The following ABHD12B variants were observed in gnomAD, a reference collection of about 807,000 sequenced individuals.
ABHD12B encodes the protein abhydrolase domain containing 12B.
Under a neutral mutation model 50.4 loss-of-function variants are expected in ABHD12B, and 42 were observed. That is an observed-to-expected ratio of 0.83 (90% CI 0.65 to 1.08). The LOEUF is 1.08. ABHD12B is among the 50% of genes least tolerant of loss of function. ABHD12B has a pLI of 0.00. For missense variants in ABHD12B, 479 were observed against 447.7 expected, an observed-to-expected ratio of 1.07 and a Z score of -0.63; for synonymous variants, 167 against 160.3, an observed-to-expected ratio of 1.04 and a Z score of -0.32.
intron 9 of ABHD12B, among the ~76,000 whole-genome samples, chr14:50,890,804 A>G (rs2050106739): frequency 1.3e-5 from 2 of 152,236 alleles, no homozygotes; most frequent in African/African-American, 4.8e-5. Context: ...AACATGTACA[A>G]GAATTTCACC....
Position 50,878,059 on chromosome 14 carries a change from T to G in ABHD12B, c.212T>G (p.Met71Arg). Residue 71 changes from methionine to arginine, a missense_variant, in exon 2 of 13, where the codon ATG becomes AGG. Transcript: ENST00000337334. ...KEHVFLPLID[M>R]LIYFNFFKAP... is the part of the protein sequence containing the mutation. ...CACGTTTTCCTTCCTCTGATAGACATGCTAATTTATTTTAATTTTTGTAAG... is the reference window on the plus strand; with the variant it reads ...CACGTTTTCCTTCCTCTGATAGACAGGCTAATTTATTTTAATTTTTGTAAG... 6.5e-7 allele frequency: 1 copy of G among 1,528,016 alleles called. No homozygotes were observed. The highest frequency in any genetic ancestry group is 8.7e-7 in the Non-Finnish European group (1 of 1,144,428). 94.7% of individuals were successfully genotyped at this position (1,528,016 alleles called of 1,614,324 possible). A position where few individuals can be genotyped will look rare whatever the true frequency, so the allele number is the denominator to read the frequency against.
intron 5 of ABHD12B, 26 bp downstream of exon 5, chr14:50,881,652 C>A: frequency 1.2e-6 from 2 of 1,612,594 alleles, no homozygotes; most frequent in Non-Finnish European, 1.7e-6. Flanking sequence ...CCTCAAAGCA[C>A]CCATTTCATA....
At chr14:50,874,630 G>A (rs997526607) in intron 1 of ABHD12B, among the ~76,000 whole-genome samples, 2 of 152,104 alleles carry the variant, frequency 1.3e-5, no homozygotes, top group African/African-American at 4.8e-5. Context: ...AAAGAAAAAT[G>A]GAAAATGTGC....
chr14:50,898,751 A>T (rs2142767971), intron 9 of ABHD12B, among the ~76,000 whole-genome samples: 1 of 152,376 alleles, frequency 6.6e-6, no homozygotes, highest in East Asian at 1.9e-4. Context: ...AAGAGAAAAC[A>T]AAACAAGAAA....
At chr14:50,886,418 T>A (rs1176091750) in intron 7 of ABHD12B, among the ~76,000 whole-genome samples, 1 of 134,744 alleles carries the variant, frequency 7.4e-6, no homozygotes, top group African/African-American at 2.9e-5. Context: ...CCAGCCTGGG[T>A]GACAGAGTGA....
chr14:50,894,127 C>G (rs2050159410), intron 9 of ABHD12B, among the ~76,000 whole-genome samples: 1 of 151,698 alleles, frequency 6.6e-6, no homozygotes, highest in African/African-American at 2.4e-5. Context: ...TGTCTCTACC[C>G]CTTCTCTGCT....
intron 9 of ABHD12B, among the ~76,000 whole-genome samples, chr14:50,890,000 C>T (rs2050096810): frequency 6.6e-6 from 1 of 152,158 alleles, no homozygotes; most frequent in East Asian, 1.9e-4. Context: ...TAATCACATA[C>T]TCTTGAAAAT....
At chr14:50,881,856 C>A (rs12588230) in intron 5 of ABHD12B, among the ~76,000 whole-genome samples, 1 of 152,242 alleles carries the variant, frequency 6.6e-6, no homozygotes, top group East Asian at 1.9e-4. Context: ...AACTTAATAA[C>A]CTCATTGCCA....
At chr14:50,889,447 G>A (rs1055506139) in intron 9 of ABHD12B, among the ~76,000 whole-genome samples, 10 of 152,288 alleles carry the variant, frequency 6.6e-5, no homozygotes, top group Admixed American at 5.9e-4. Context: ...AGACCATCCT[G>A]GCCAACATGG....
At chr14:50,884,500 T>C (rs1380252985) in intron 5 of ABHD12B, among the ~76,000 whole-genome samples, 1 of 152,170 alleles carries the variant, frequency 6.6e-6, no homozygotes, top group Non-Finnish European at 1.5e-5. Flanking sequence ...GACCCAGGAG[T>C]GAATCTTCGT....
chr14:50,901,351 T>G (rs987093636), intron 9 of ABHD12B, among the ~76,000 whole-genome samples: 2 of 152,216 alleles, frequency 1.3e-5, no homozygotes, highest in African/African-American at 4.8e-5. Context: ...AAAACTAAAA[T>G]GTCTTTTAAG....
At chr14:50,904,216 A>T in intron 12 of ABHD12B, 24 bp downstream of exon 12, 3 of 1,613,438 alleles carry the variant, frequency 1.9e-6, no homozygotes, top group Non-Finnish European at 2.5e-6. Flanking sequence ...TGCTAAATGT[A>T]TGTTGCCCTT....
In ABHD12B at chr14:50,904,317, G is replaced by C. The variant is rs763407749; in HGVS notation, c.1062-22G>C. On this transcript the variant is annotated intron_variant, in intron 12 of 12. Coordinates refer to ENST00000337334, the MANE Select transcript of ABHD12B (RefSeq NM_001206673.2). ...TTTAGGTAGGGAAAGGGTGTGAGCT[G>C]ATCTGGGTCCTTTTTCTACAGAGAT... 19 of 1,613,862 alleles carry C rather than the reference G, an allele frequency of 1.2e-5. No individual in the cohort carries two copies. In the South Asian group the frequency reaches 2.1e-4, roughly 18 times the overall value.
chr14:50,897,653 T>C (rs12589665), intron 9 of ABHD12B, among the ~76,000 whole-genome samples: 29,107 of 152,118 alleles, frequency 0.19, 3,512 homozygotes, highest in East Asian at 0.45. Flanking sequence ...TGGAAAAGAG[T>C]ATGGGCTGTG....
chr14:50,902,354 C>T (rs1408002753), intron 10 of ABHD12B, among the ~76,000 whole-genome samples: 3 of 152,066 alleles, frequency 2.0e-5, no homozygotes, highest in Admixed American at 6.6e-5. Context: ...CGTGGGGGCA[C>T]GTGCCTGTCA....
chr14:50,901,776 A>C (rs993743464), intron 9 of ABHD12B, 53 bp from the exon 10 acceptor site: 2 of 1,201,044 alleles, frequency 1.7e-6, no homozygotes, highest in African/African-American at 1.5e-5. Flanking sequence ...ACTATATAAC[A>C]GATGGCATAG....
chr14:50,886,780 A>C, intron 8 of ABHD12B, 96 bp downstream of exon 8: 1 of 1,075,806 alleles, frequency 9.3e-7, no homozygotes, highest in Admixed American at 2.5e-5. Context: ...ACATATAGAC[A>C]CCAAAAGCAT....
chr14:50,892,699 GTTAT>G (rs1361433476), intron 9 of ABHD12B: 1 of 716,950 alleles, frequency 1.4e-6, no homozygotes, highest in South Asian at 6.3e-5. Flanking sequence ...GATTTAAGTT[GTTAT>G]TTAAAAATTT....
intron 9 of ABHD12B, among the ~76,000 whole-genome samples, chr14:50,894,200 CT>C (rs979736964): frequency 1.4e-5 from 2 of 139,422 alleles, no homozygotes; most frequent in African/African-American, 6.7e-5. Context: ...GCAAGTCCCG[CT>C]TTCCTGGGGC....
Sources: gnomAD v4.1 joint callset for allele counts (sites outside exome capture counted in the v4.1 genomes callset) on GRCh38, gnomAD v4.1.1 for gene constraint, MANE v1.5 for transcripts, NCBI Gene and HGNC (gene_info 2026-07-23, HGNC 2026-07-21) for gene names.